The following AGBL3 variants were observed in gnomAD, a reference collection of about 807,000 sequenced individuals.
AGBL3 encodes AGBL carboxypeptidase 3.
A neutral mutation model predicts 94.5 loss-of-function variants in AGBL3; 68 were observed. That is an observed-to-expected ratio of 0.72 (90% CI 0.59 to 0.88). AGBL3 has a LOEUF of 0.88. Among genes scored for constraint, AGBL3 ranks in the 40% least tolerant of loss-of-function variants. The pLI, the probability that AGBL3 is intolerant of heterozygous loss-of-function variation, is 0.00. For synonymous variants in AGBL3, 354 were observed against 370.7 expected (o/e 0.95, Z 0.52); for missense variants, 934 against 1,103.8 (o/e 0.85, Z 2.18).
At chr7:135,091,746 T>C (rs567874699) in intron 15 of AGBL3, among the ~76,000 whole-genome samples, 8 of 152,342 alleles carry the variant, frequency 5.3e-5, no homozygotes, top group Non-Finnish European at 8.8e-5. Flanking sequence ...TCTTCTCACC[T>C]CCTTGCTTCT....
chr7:135,103,800 T>A (rs2117054315), intron 15 of AGBL3, among the ~76,000 whole-genome samples: 1 of 152,276 alleles, frequency 6.6e-6, no homozygotes, highest in Middle Eastern at 3.4e-3. Context: ...ACATTTCAGC[T>A]CTTGCAACCT....
intron 16 of AGBL3, among the ~76,000 whole-genome samples, chr7:135,119,080 A>G (rs1182388188): frequency 6.6e-6 from 1 of 152,190 alleles, no homozygotes; most frequent in African/African-American, 2.4e-5. Context: ...GAAGGACAGG[A>G]GAATGAATAT....
At chr7:135,075,987 G>T (rs919151252) in intron 12 of AGBL3, among the ~76,000 whole-genome samples, 2 of 152,202 alleles carry the variant, frequency 1.3e-5, no homozygotes, top group African/African-American at 4.8e-5. Flanking sequence ...GGCTGGAGTA[G>T]AACAGTTAAC....
intron 7 of AGBL3, among the ~76,000 whole-genome samples, chr7:135,037,116 C>G (rs569725898): frequency 6.6e-6 from 1 of 152,078 alleles, no homozygotes; most frequent in Non-Finnish European, 1.5e-5. Context: ...GAGGTGGTTT[C>G]GCCACATTGG....
At position 135,032,828 on chromosome 7, in the gene AGBL3, C is replaced by A; in HGVS notation, c.419-16C>A. 1 of 1,537,532 alleles carries A rather than the reference C, an allele frequency of 6.5e-7. No homozygotes were observed. Among genetic ancestry groups the A allele is most frequent in the Non-Finnish European group, 8.8e-7 (1 of 1,141,692 alleles). On this transcript the variant is annotated splice_polypyrimidine_tract_variant and intron_variant, in intron 5 of 16. Transcript: ENST00000436302. ...AGGTATACCTTGACATCTTTATGAT[C>A]TTCTTCTCTCATCAGCTTACAAAGA...
intron 12 of AGBL3, among the ~76,000 whole-genome samples, chr7:135,071,917 C>G (rs1819949895): frequency 6.6e-6 from 1 of 152,106 alleles, no homozygotes; most frequent in African/African-American, 2.4e-5. Context: ...CAAATGGGAT[C>G]TAATTAAACT....
chr7:135,032,800 T>A, intron 5 of AGBL3, 44 bp from the exon 6 acceptor site: 1 of 1,498,050 alleles, frequency 6.7e-7, no homozygotes, highest in Non-Finnish European at 8.9e-7. Flanking sequence ...ACCTTCTTAC[T>A]TTAGGTATAC....
intron 4 of AGBL3, among the ~76,000 whole-genome samples, chr7:135,000,884 G>A (rs536984020): frequency 2.2e-4 from 33 of 152,222 alleles, no homozygotes; most frequent in Non-Finnish European, 3.7e-4. Flanking sequence ...AAAATGTGTC[G>A]GTGCCAGCAG....
chr7:135,116,187 C>T (rs1048452067), intron 16 of AGBL3, among the ~76,000 whole-genome samples: 2 of 152,106 alleles, frequency 1.3e-5, no homozygotes, highest in African/African-American at 4.8e-5. Flanking sequence ...TATATGTATA[C>T]ACTTTACATT....
At chr7:135,111,375 C>A (rs1057148586) in intron 15 of AGBL3, among the ~76,000 whole-genome samples, 1 of 152,170 alleles carries the variant, frequency 6.6e-6, no homozygotes, top group East Asian at 1.9e-4. Context: ...CTACTGTTGC[C>A]ATACCATGAA....
chr7:135,058,553 C>T (rs1724496047), intron 11 of AGBL3, among the ~76,000 whole-genome samples: 1 of 151,896 alleles, frequency 6.6e-6, no homozygotes, highest in Non-Finnish European at 1.5e-5. Context: ...AACATATTAA[C>T]AAATCTTGAG....
Position 135,115,414 on chromosome 7 carries a change from A to T in AGBL3, c.2145A>T (p.Glu715Asp). 6.4e-7 allele frequency: 1 copy of T among 1,551,294 alleles called. No individual in the cohort carries two copies. Among genetic ancestry groups the T allele is most frequent in the Non-Finnish European group, 8.7e-7 (1 of 1,146,760 alleles). ...ACAACTTAAAAAGCAAAATAAAAGAATGCATATCTTTCCAAAGCAAGAAGA... is the reference window on the plus strand; with the variant it reads ...ACAACTTAAAAAGCAAAATAAAAGATTGCATATCTTTCCAAAGCAAGAAGA... Reference protein sequence around the residue: ...LHHNLKSKIKECISFQSKKTG... With the variant: ...LHHNLKSKIKDCISFQSKKTG... The change falls in exon 16 of 17, where the codon GAA (glutamate) becomes GAT (aspartate). Residue 715 changes from glutamate to aspartate, a missense_variant. Transcript: ENST00000436302.
At chr7:135,004,605 T>G (rs946802839) in intron 4 of AGBL3, among the ~76,000 whole-genome samples, 105 of 138,774 alleles carry the variant, frequency 7.6e-4, no homozygotes, top group Non-Finnish European at 1.2e-3. Context: ...AAGTTTCCTA[T>G]ATATTCTGTT....
intron 15 of AGBL3, among the ~76,000 whole-genome samples, chr7:135,109,814 A>G (rs908521009): frequency 2.0e-5 from 3 of 152,168 alleles, no homozygotes; most frequent in Non-Finnish European, 4.4e-5. Context: ...ATCACCTCAG[A>G]CTGTCTAGAG....
chr7:135,013,572 A>G (rs990913906), intron 4 of AGBL3, among the ~76,000 whole-genome samples: 3 of 152,218 alleles, frequency 2.0e-5, no homozygotes, highest in African/African-American at 7.2e-5. Context: ...ATCAGTATAT[A>G]TAGAATGATG....
chr7:135,003,229 C>T (rs1168310895), intron 4 of AGBL3, among the ~76,000 whole-genome samples: 1 of 152,044 alleles, frequency 6.6e-6, no homozygotes, highest in East Asian at 1.9e-4. Flanking sequence ...GTTGTTCCAA[C>T]AAAATTTATT....
intron 12 of AGBL3, among the ~76,000 whole-genome samples, chr7:135,067,749 C>T (rs1021910000): frequency 2.0e-5 from 3 of 152,164 alleles, no homozygotes; most frequent in African/African-American, 7.2e-5. Context: ...TCATCACCAT[C>T]ATCAAAGACC....
intron 8 of AGBL3, among the ~76,000 whole-genome samples, chr7:135,043,089 C>T (rs1817022341): frequency 6.6e-6 from 1 of 152,182 alleles, no homozygotes; most frequent in African/African-American, 2.4e-5. Flanking sequence ...ATCTCCAACA[C>T]TAATCTTCAT....
At chr7:135,020,077 T>C (rs1814258424) in intron 5 of AGBL3, among the ~76,000 whole-genome samples, 1 of 152,110 alleles carries the variant, frequency 6.6e-6, no homozygotes, top group Non-Finnish European at 1.5e-5. Flanking sequence ...CTAATTAAAC[T>C]AAAGAGCTTC....
Sources: gnomAD v4.1 joint callset for allele counts (sites outside exome capture counted in the v4.1 genomes callset) on GRCh38, gnomAD v4.1.1 for gene constraint, MANE v1.5 for transcripts, NCBI Gene and HGNC (gene_info 2026-07-23, HGNC 2026-07-21) for gene names.